LRP1B: variants seen among roughly 807,000 people sequenced by gnomAD.
LRP1B encodes LDL receptor related protein 1B.
In LRP1B, 217 loss-of-function variants were observed where a neutral mutation model predicts 556.6. The observed-to-expected ratio is 0.39, with a 90% CI of 0.35 to 0.44. The LOEUF is 0.44. LRP1B is among the 20% of genes least tolerant of loss of function. LRP1B has a pLI of 1.00. For missense variants in LRP1B, 5,053 were observed against 5,620.8 expected, an observed-to-expected ratio of 0.90 and a Z score of 3.23; for synonymous variants, 2,047 against 1,865.8, an observed-to-expected ratio of 1.10 and a Z score of -2.50.
intron 2 of LRP1B, among the ~76,000 whole-genome samples, chr2:141,528,885 A>G (rs900575833): frequency 1.3e-5 from 2 of 152,214 alleles, no homozygotes; most frequent in South Asian, 4.1e-4. Context: ...TCACAACCAC[A>G]TATAAAGATC....
intron 7 of LRP1B, among the ~76,000 whole-genome samples, chr2:141,102,804 G>GT (rs1433630546): frequency 1.3e-5 from 2 of 152,032 alleles, no homozygotes; most frequent in Non-Finnish European, 2.9e-5. Flanking sequence ...AATGGTTACA[G>GT]TTACCCAGTT....
intron 72 of LRP1B, among the ~76,000 whole-genome samples, chr2:140,362,039 C>T (rs1292015774): frequency 2.6e-5 from 4 of 151,598 alleles, no homozygotes; most frequent in Non-Finnish European, 5.9e-5. Context: ...ATATCCAATC[C>T]GTCATTTAAT....
At position 141,059,026 on chromosome 2, in the gene LRP1B, A is replaced by G; in HGVS notation, c.1265T>C (p.Phe422Ser). ...QVRHLYGITV[F>S]EDYLYATNSD... is the part of the protein sequence containing the mutation. ...ATTGGTTGCATACAAATAATCTTCA[A>G]ACACAGTTATACCATAAAGATGTCT... The change falls in exon 9 of 91, where the codon TTT becomes TCT. Residue 422 changes from phenylalanine to serine, a missense_variant. By Grantham distance (155) the Phe-to-Ser change is radical. Transcript: ENST00000389484. The G allele has an allele frequency of 6.3e-7, 1 of 1,583,756 alleles. No homozygotes were observed. Among genetic ancestry groups the G allele is most frequent in the Non-Finnish European group, 8.6e-7 (1 of 1,163,068 alleles).
At chr2:140,304,881 C>A (rs1189217883) in intron 83 of LRP1B, among the ~76,000 whole-genome samples, 2 of 152,154 alleles carry the variant, frequency 1.3e-5, no homozygotes, top group Non-Finnish European at 2.9e-5. Flanking sequence ...TATGGCTAGT[C>A]AGTTTTCCCA....
intron 5 of LRP1B, among the ~76,000 whole-genome samples, chr2:141,238,384 A>G (rs930848020): frequency 6.6e-6 from 1 of 152,182 alleles, no homozygotes; most frequent in Non-Finnish European, 1.5e-5. Context: ...TCCTATTTAT[A>G]AAGTAATTTC....
intron 3 of LRP1B, among the ~76,000 whole-genome samples, chr2:141,294,628 T>C (rs1686111112): frequency 6.6e-6 from 1 of 151,570 alleles, no homozygotes; most frequent in Non-Finnish European, 1.5e-5. Context: ...TAGTCCCAGT[T>C]ATTTAAAAGG....
intron 1 of LRP1B, among the ~76,000 whole-genome samples, chr2:142,118,442 T>C (rs576853020): frequency 2.0e-5 from 3 of 152,312 alleles, no homozygotes; most frequent in South Asian, 2.1e-4. Flanking sequence ...TTACTTCCCT[T>C]GGCTCTTTAC....
chr2:140,918,145 C>T (rs1390890487), intron 21 of LRP1B, among the ~76,000 whole-genome samples: 1 of 150,898 alleles, frequency 6.6e-6, no homozygotes, highest in Non-Finnish European at 1.5e-5. Flanking sequence ...TCCTAGTTTC[C>T]AAATACATTT....
chr2:141,072,976 C>T (rs1466767181), intron 7 of LRP1B, among the ~76,000 whole-genome samples: 1 of 152,058 alleles, frequency 6.6e-6, no homozygotes, highest in African/African-American at 2.4e-5. Flanking sequence ...ACTTCAGCAA[C>T]TATTTCCCTT....
chr2:141,134,219 G>A (rs1350555973), intron 7 of LRP1B, among the ~76,000 whole-genome samples: 3 of 151,728 alleles, frequency 2.0e-5, no homozygotes, highest in East Asian at 1.9e-4. Flanking sequence ...TATCTATTTT[G>A]CAATATAGCC....
intron 7 of LRP1B, among the ~76,000 whole-genome samples, chr2:141,126,982 G>A (rs574459168): frequency 5.3e-5 from 8 of 152,140 alleles, no homozygotes; most frequent in African/African-American, 1.9e-4. Context: ...TCTACATTAG[G>A]TATTTCTCCT....
chr2:140,439,199 A>G (rs1405135955), intron 66 of LRP1B, among the ~76,000 whole-genome samples: 3 of 152,166 alleles, frequency 2.0e-5, no homozygotes, highest in Non-Finnish European at 4.4e-5. Flanking sequence ...GAAATTCCAA[A>G]TAAATACTCT....
rs1681282898 is a variant in LRP1B at position 141,448,508 on chromosome 2, G to A, written c.343+31888C>T. On this transcript the variant is annotated intron_variant, in intron 3 of 90. Coordinates refer to ENST00000389484, the MANE Select transcript of LRP1B (RefSeq NM_018557.3). ...TAGCTTGGTGTCTGCCTAAAAGGCT[G>A]CCCAGGTTTGTGCTTGAAACCCAGG... Among the ~76,000 whole-genome samples, 3 of 152,154 alleles carry A rather than the reference G, an allele frequency of 2.0e-5. No homozygotes were observed. In the South Asian group the frequency reaches 6.2e-4, roughly 31 times the overall value.
chr2:140,992,114 G>A (rs4954868), intron 16 of LRP1B, among the ~76,000 whole-genome samples: 96,451 of 151,720 alleles, frequency 0.64, 31,250 homozygotes, highest in Non-Finnish European at 0.7. Context: ...CTAAGGTGAA[G>A]GCCTAATTTA....
intron 7 of LRP1B, among the ~76,000 whole-genome samples, chr2:141,155,658 T>C (rs1479310664): frequency 6.6e-6 from 1 of 151,854 alleles, no homozygotes; most frequent in African/African-American, 2.4e-5. Context: ...TAAGGAAAAA[T>C]TGGATTTGCA....
intron 41 of LRP1B, among the ~76,000 whole-genome samples, chr2:140,611,565 A>G (rs1463948382): frequency 6.6e-6 from 1 of 152,132 alleles, no homozygotes; most frequent in Admixed American, 6.6e-5. Context: ...TTGGTTGTTT[A>G]TCATCAAGTT....
chr2:140,637,152 TA>T (rs1441482433), intron 41 of LRP1B, among the ~76,000 whole-genome samples: 1 of 152,120 alleles, frequency 6.6e-6, no homozygotes, highest in African/African-American at 2.4e-5. Flanking sequence ...GAGATCACCT[TA>T]GGGGCAGAAT....
intron 2 of LRP1B, among the ~76,000 whole-genome samples, chr2:141,726,375 T>C (rs1253990046): frequency 6.6e-6 from 1 of 151,882 alleles, no homozygotes; most frequent in Non-Finnish European, 1.5e-5. Context: ...TAATTTTTTC[T>C]AACAAGAAAA....
chr2:140,235,729 T>G (rs1018343659), intron 89 of LRP1B, among the ~76,000 whole-genome samples: 2 of 151,070 alleles, frequency 1.3e-5, no homozygotes, highest in African/African-American at 4.8e-5. Flanking sequence ...ATGTGAAAAT[T>G]TTTGAATGTG....
Sources: allele counts gnomAD v4.1 joint callset (sites outside exome capture counted in the v4.1 genomes callset), GRCh38; gene constraint gnomAD v4.1.1; transcripts MANE v1.5; gene names NCBI Gene and HGNC (gene_info 2026-07-23, HGNC 2026-07-21).